ATP13A1: variants seen among roughly 807,000 people sequenced by gnomAD.
ATP13A1 encodes the protein ATPase 13A1, also known as endoplasmic reticulum transmembrane helix translocase.
A neutral mutation model predicts 134.8 loss-of-function variants in ATP13A1; 55 were observed. The ratio of observed to expected loss-of-function variants is 0.41; its 90% CI spans 0.33 to 0.51. The LOEUF is 0.51. Ranked by LOEUF, ATP13A1 falls within the 20% of genes least tolerant of loss-of-function variation. The pLI, the probability that ATP13A1 is intolerant of heterozygous loss-of-function variation, is 0.29. For missense variants in ATP13A1, 1,389 were observed against 1,652.8 expected (o/e 0.84, Z 2.77); for synonymous variants, 775 against 725.1 (o/e 1.07, Z -1.10).
In ATP13A1 at chr19:19,645,219, C is replaced by T. The variant is rs2144892640; in HGVS notation, c.*203G>A. On this transcript the variant is annotated 3_prime_UTR_variant, in exon 26 of 26. Coordinates refer to ENST00000357324, the MANE Select transcript of ATP13A1 (RefSeq NM_020410.3). This position sits in a 1 kb window ranked among gnomAD's most constrained non-coding sequence, Gnocchi z 4.1. ...GGGCTTTTTAAAATCTCAGATGCTG[C>T]TTTATTTACCAAAGGTGCTGGCTTG... 1 of 611,634 alleles carries T rather than the reference C, an allele frequency of 1.6e-6. No individual in the cohort carries two copies. Among genetic ancestry groups the T allele is most frequent in the South Asian group, 2.0e-5 (1 of 49,992 alleles). 37.9% of individuals were successfully genotyped at this position (611,634 alleles called of 1,614,324 possible). A position where few individuals can be genotyped will look rare whatever the true frequency, so the allele number is the denominator to read the frequency against.
At position 19,655,324 on chromosome 19, in the gene ATP13A1, G is replaced by A; in HGVS notation, c.1526C>T (p.Ala509Val). ...LAVNTSLIAL[A>V]KLYMYCTEPF... is the part of the protein sequence containing the mutation. ...CCATTTGACACACTCACAGAGCTTG[G>A]CCAGGGCGATGAGGGAGGTGTTGAC... The change falls in exon 11 of 26, where the codon GCC becomes GTC. Residue 509 changes from alanine to valine, a missense_variant. By Grantham distance (64) the Ala-to-Val change is moderately conservative. Around this residue, in one of 4 missense-constraint regions of ATP13A1, gnomAD observed 747 missense variants for 956.1 expected, o/e 0.78. Transcript: ENST00000357324. The surrounding 1 kb of genome is among the most constrained non-coding windows in gnomAD (Gnocchi z 5.7). 2 of 1,613,964 alleles carry A rather than the reference G, an allele frequency of 1.2e-6. No individual in the cohort carries two copies. The highest frequency in any genetic ancestry group is 1.7e-6 in the Non-Finnish European group (2 of 1,179,890).
chr19:19,662,677 G>A (rs2062101896), intron 1 of ATP13A1, among the ~76,000 whole-genome samples: 1 of 152,130 alleles, frequency 6.6e-6, no homozygotes, highest in South Asian at 2.1e-4. Flanking sequence ...TCATTTTGCG[G>A]AAAGACATCA....
At chr19:19,662,091 CT>C (rs2062098476) in intron 1 of ATP13A1, 2 of 1,575,794 alleles carry the variant, frequency 1.3e-6, no homozygotes, top group Non-Finnish European at 1.7e-6. Flanking sequence ...TGGCTGATGG[CT>C]GTTCAGCTCC....
chr19:19,657,440 G>C, intron 3 of ATP13A1, 32 bp from the exon 4 acceptor site: 2 of 1,551,016 alleles, frequency 1.3e-6, no homozygotes, highest in Non-Finnish European at 8.7e-7. Context: ...CCTGTTCCCA[G>C]GGCAAGGCCT....
Position 19,655,637 on chromosome 19 carries a change from G to C in ATP13A1, c.1287C>G (p.Thr429=). 1 of 1,613,452 alleles carries C rather than the reference G, an allele frequency of 6.2e-7. No homozygotes were observed. The highest frequency in any genetic ancestry group is 8.5e-7 in the Non-Finnish European group (1 of 1,179,676). The change falls in exon 10 of 26, where the codon ACC becomes ACG. Residue 429 remains threonine, a synonymous_variant. Transcript: ENST00000357324. The surrounding 1 kb of genome is among the most constrained non-coding windows in gnomAD (Gnocchi z 5.7). ...TCACCCTCTTGACCCCGAAGAGGAT[G>C]GTGCGCAGCAGCTTGCCCTGGAGGA... ...FNTSQGKLLR[T]ILFGVKRVTA...
intron 17 of ATP13A1, 33 bp from the exon 18 acceptor site, chr19:19,649,973 C>G (rs768452454): frequency 1.5e-5 from 23 of 1,541,308 alleles, no homozygotes; most frequent in Non-Finnish European, 1.9e-5. Flanking sequence ...GGGCTGGGGG[C>G]TTGGCTGACC....
intron 19 of ATP13A1, among the ~76,000 whole-genome samples, chr19:19,649,210 G>A (rs894353410): frequency 1.3e-5 from 2 of 151,960 alleles, no homozygotes; most frequent in Non-Finnish European, 2.9e-5. Context: ...TGATCCTCCC[G>A]CCTCAGCCTC....
At chr19:19,654,241 T>C in intron 13 of ATP13A1, 97 bp from the exon 14 acceptor site, 1 of 1,292,604 alleles carries the variant, frequency 7.7e-7, no homozygotes, top group South Asian at 1.4e-5. Context: ...CCCTCCTGCC[T>C]CCCCCAGGGC....
In ATP13A1 at chr19:19,655,577, G is replaced by T; in HGVS notation, c.1347C>A (p.Leu449=). The T allele has an allele frequency of 6.2e-7, 1 of 1,614,004 alleles. No homozygotes were observed. Among genetic ancestry groups the T allele is most frequent in the South Asian group, 1.1e-5 (1 of 91,082 alleles). ...ANNLETFIFI[L]FLLVFAIAAA... ...CAGCGATGGCAAACACCAGGAGGAAGAGGATGAAGATGAAGGTCTCCAGGT... is the reference window on the plus strand; with the variant it reads ...CAGCGATGGCAAACACCAGGAGGAATAGGATGAAGATGAAGGTCTCCAGGT... Residue 449 remains leucine (L), a synonymous_variant, in exon 10 of 26, where the codon CTC becomes CTA. Transcript: ENST00000357324. This position sits in a 1 kb window ranked among gnomAD's most constrained non-coding sequence, Gnocchi z 5.7.
At chr19:19,662,336 A>G (rs2062100132) in intron 1 of ATP13A1, 1 of 985,300 alleles carries the variant, frequency 1.0e-6, no homozygotes, top group Admixed American at 6.1e-5. Flanking sequence ...GAGAATGAGG[A>G]TTCTACCCAC....
In ATP13A1 at chr19:19,656,126, G is replaced by C; in HGVS notation, c.1141C>G (p.Leu381Val). The change falls in exon 8 of 26, where the codon CTG becomes GTG. Residue 381 changes from leucine to valine, a missense_variant. Physicochemically the swap from Leu to Val is conservative, Grantham distance 32 (BLOSUM62 1). Around this residue, in one of 4 missense-constraint regions of ATP13A1, gnomAD observed 747 missense variants for 956.1 expected, o/e 0.78. Coordinates refer to ENST00000357324, the MANE Select transcript of ATP13A1 (RefSeq NM_020410.3). This position sits in a 1 kb window ranked among gnomAD's most constrained non-coding sequence, Gnocchi z 4.6. ...TTGGTGCCCCCGAAGATGACGTGCA[G>C]CCGGGAATCAGCCTGGAGGTCCAGC... Reference protein sequence around the residue: ...RVLDLQADSRLHVIFGGTKVV... With the variant: ...RVLDLQADSRVHVIFGGTKVV... 6.2e-7 allele frequency: 1 copy of C among 1,613,760 alleles called. No homozygotes were observed. The highest frequency in any genetic ancestry group is 8.5e-7 in the Non-Finnish European group (1 of 1,179,778).
At chr19:19,654,245 C>T (rs964118229) in intron 13 of ATP13A1, 101 bp from the exon 14 acceptor site, 6 of 1,276,410 alleles carry the variant, frequency 4.7e-6, no homozygotes, top group Non-Finnish European at 6.5e-6. Context: ...CCTGCCTCCC[C>T]CAGGGCCTGA....
chr19:19,663,490 C>G lies in ATP13A1; in HGVS notation c.177G>C (p.Leu59Phe). The G allele has an allele frequency of 6.5e-7, 1 of 1,534,432 alleles. No homozygotes were observed. The highest frequency in any genetic ancestry group is 8.7e-7 in the Non-Finnish European group (1 of 1,144,924). The change falls in exon 1 of 26, where the codon TTG (leucine) becomes TTC (phenylalanine). Residue 59 changes from leucine to phenylalanine, a missense_variant. By Grantham distance (22) the Leu-to-Phe change is conservative. Transcript: ENST00000357324. ...GCACCGTGAGGCGCCGCAACAGCGC[C>G]AACCGCCGGTACGGCCACACGGCAG... Reference protein sequence around the residue: ...LVAAVWPYRRLALLRRLTVLP... With the variant: ...LVAAVWPYRRFALLRRLTVLP...
chr19:19,655,487 G>A lies in ATP13A1; in HGVS notation c.1397-34C>T, dbSNP rs755422369. 1.1e-5 allele frequency: 17 copies of A among 1,613,930 alleles called. No homozygotes were observed. The highest frequency in any genetic ancestry group is 4.4e-5 in the South Asian group (4 of 91,082). ...ACAGGGCCTGCCAACCTGGAGCCTCGGAGGGTGGGCGCAGGGGACCACAGA... is the reference window on the plus strand; with the variant it reads ...ACAGGGCCTGCCAACCTGGAGCCTCAGAGGGTGGGCGCAGGGGACCACAGA... On this transcript the variant is annotated intron_variant, in intron 10 of 25. Coordinates refer to ENST00000357324, the MANE Select transcript of ATP13A1 (RefSeq NM_020410.3). This position sits in a 1 kb window ranked among gnomAD's most constrained non-coding sequence, Gnocchi z 5.7.
chr19:19,659,785 C>A lies in ATP13A1; in HGVS notation c.493G>T (p.Asp165Tyr), dbSNP rs374559685. 7.5e-5 allele frequency: 121 copies of A among 1,613,502 alleles called. No homozygotes were observed. Among genetic ancestry groups the A allele is most frequent in the Non-Finnish European group, 1.0e-4 (120 of 1,179,694 alleles). Reference sequence around the variant, plus strand: ...TCGAAGGACAGCACCTCAAGCCCGTCTTCGCCCTGCGGTAGAAGGTGTGTT... The same window carrying A: ...TCGAAGGACAGCACCTCAAGCCCGTATTCGCCCTGCGGTAGAAGGTGTGTT... ...LVALHRNEGE[D>Y]GLEVLSFEFQ... Residue 165 changes from aspartate (D) to tyrosine (Y), a missense_variant, in exon 3 of 26, where the codon GAC becomes TAC. Transcript: ENST00000357324.
rs2062063635 is a variant in ATP13A1, at chr19:19,657,038, T to C, written c.862A>G (p.Met288Val). The change falls in exon 5 of 26, where the codon ATG (methionine) becomes GTG (valine). Residue 288 changes from methionine (M) to valine (V), a missense_variant. This residue lies in a region of ATP13A1 where 747 missense variants were observed against 956.1 expected (regional missense o/e 0.78). Transcript: ENST00000357324. The stretch of plus-strand genomic sequence containing the variant: ...TTGCCCATCTTCCGGATCTCCGACA[T>C]GTTCCGCATCTGCTGCTGCACCAGC... ...ASLVQQQMRN[M>V]SEIRKMGNKP... 1.3e-6 allele frequency: 2 copies of C among 1,573,334 alleles called. No individual in the cohort carries two copies. Among genetic ancestry groups the C allele is most frequent in the South Asian group, 1.2e-5 (1 of 84,340 alleles).
At position 19,651,768 on chromosome 19, in the gene ATP13A1, G is replaced by A. The variant is rs1239915940; in HGVS notation, c.2256C>T (p.Leu752=). The change falls in exon 17 of 26, where the codon CTC becomes CTT. Residue 752 remains leucine (L), a synonymous_variant. Coordinates refer to ENST00000357324, the MANE Select transcript of ATP13A1 (RefSeq NM_020410.3). ...GCTCCTGGGCCACGTGGCATGCAGT[G>A]AGCGGGTTGTCTCCCGTGATCATGA... The part of the protein sequence containing the change: ...RVVMITGDNP[L]TACHVAQELH... 7 of 1,613,270 alleles carry A rather than the reference G, an allele frequency of 4.3e-6. No individual in the cohort carries two copies. Among genetic ancestry groups the A allele is most frequent in the Non-Finnish European group, 8.5e-7 (1 of 1,179,584 alleles).
In ATP13A1 at chr19:19,656,771, A is replaced by G; in HGVS notation, c.977-5T>C. 6.2e-7 allele frequency: 1 copy of G among 1,613,478 alleles called. No individual in the cohort carries two copies. Among genetic ancestry groups the G allele is most frequent in the Non-Finnish European group, 8.5e-7 (1 of 1,179,786 alleles). ...GGTTCTCCTGTGGGGAGCGGCCTGC[A>G]GGGCAGAGGCAGGAGGGTTGGCCAG... On this transcript the variant is annotated splice_region_variant and splice_polypyrimidine_tract_variant and intron_variant, in intron 6 of 25. Coordinates refer to ENST00000357324, the MANE Select transcript of ATP13A1 (RefSeq NM_020410.3). The surrounding 1 kb of genome is among the most constrained non-coding windows in gnomAD (Gnocchi z 4.6).
At chr19:19,646,437 C>A (rs1274551868) in intron 22 of ATP13A1, 90 bp from the exon 23 acceptor site, 6 of 1,482,800 alleles carry the variant, frequency 4.0e-6, no homozygotes, top group South Asian at 1.2e-5. Context: ...CCCTGCCTCC[C>A]GGGAGACCTT....
Sources: gnomAD v4.1 joint callset for allele counts (sites outside exome capture counted in the v4.1 genomes callset) on GRCh38, gnomAD v4.1.1 for gene constraint, gnomAD v4.1.1 regional missense constraint, Gnocchi (gnomAD v3.1) non-coding constraint, MANE v1.5 for transcripts, NCBI Gene and HGNC (gene_info 2026-07-23, HGNC 2026-07-21) for gene names.